USP36: variants seen among roughly 807,000 people sequenced by gnomAD.
USP36 encodes the protein ubiquitin carboxyl-terminal hydrolase 36.
USP36 carries 59 observed loss-of-function variants against 111.5 expected under a neutral mutation model. The ratio of observed to expected loss-of-function variants is 0.53; its 90% confidence interval spans 0.43 to 0.66. The LOEUF is 0.66. Ranked by LOEUF, USP36 falls within the 30% of genes least tolerant of loss-of-function variation. USP36 has a pLI of 0.00. For missense variants in USP36, 1,488 were observed against 1,468.0 expected (o/e 1.01, Z -0.22); for synonymous variants, 628 against 581.0 (o/e 1.08, Z -1.16).
intron 4 of USP36, among the ~76,000 whole-genome samples, chr17:78,832,695 T>G (rs1319157349): frequency 6.6e-6 from 1 of 152,030 alleles, no homozygotes; most frequent in Non-Finnish European, 1.5e-5. Context: ...AGCTCTACAG[T>G]GGAAGAGCCC....
rs11655882 is a variant in USP36, at chr17:78,831,089, G to C, written c.476-2082C>G. 3.3e-3 allele frequency among the ~76,000 whole-genome samples: 495 copies of C among 151,708 alleles called. 3 individuals carry two copies. Among genetic ancestry groups the C allele is most frequent in the Non-Finnish European group, 5.4e-3 (370 of 67,934 alleles). ...CAAATACAAACAATTAGCCAGGCAT[G>C]GTGGCACGTGCCTGTAGTCCCAGCT... On this transcript the variant is annotated intron_variant, in intron 4 of 20. Coordinates refer to ENST00000449938, the MANE Select transcript of USP36 (RefSeq NM_001385174.1).
At chr17:78,815,502 T>G (rs994496550) in intron 10 of USP36, among the ~76,000 whole-genome samples, 1 of 152,276 alleles carries the variant, frequency 6.6e-6, no homozygotes, top group East Asian at 1.9e-4. Context: ...AACGATCAAA[T>G]GAGAAGGGTC....
intron 15 of USP36, among the ~76,000 whole-genome samples, chr17:78,804,803 A>G (rs956563518): frequency 6.6e-6 from 1 of 152,126 alleles, no homozygotes; most frequent in Admixed American, 6.6e-5. Flanking sequence ...TCTTTAATAC[A>G]AATGTGTTAA....
At chr17:78,840,525 C>A (rs1200954899) in intron 1 of USP36, 2 of 152,286 alleles carry the variant, frequency 1.3e-5, no homozygotes, top group Non-Finnish European at 2.9e-5. Context: ...CTCGGGAATA[C>A]CCGGGCTCTG....
intron 17 of USP36, among the ~76,000 whole-genome samples, chr17:78,800,527 A>G (rs1033238220): frequency 6.6e-6 from 1 of 152,014 alleles, no homozygotes; most frequent in East Asian, 1.9e-4. Flanking sequence ...ATCTGACCTC[A>G]TTTCTCCCTG....
intron 3 of USP36, among the ~76,000 whole-genome samples, chr17:78,788,519 C>G (rs2093554772): frequency 6.6e-6 from 1 of 152,132 alleles, no homozygotes; most frequent in Non-Finnish European, 1.5e-5. Context: ...GTTCTCCCAG[C>G]TGGTTGGTGG....
chr17:78,823,605 G>T (rs1366235339), intron 6 of USP36, among the ~76,000 whole-genome samples: 1 of 152,142 alleles, frequency 6.6e-6, no homozygotes, highest in African/African-American at 2.4e-5. Context: ...AGCTGCAAAG[G>T]GCACCCTGAA....
chr17:78,835,588 A>G lies in USP36; in HGVS notation c.254-87T>C, dbSNP rs139186225. The stretch of plus-strand genomic sequence containing the variant: ...ACAAAAAGAAACTCCTGAAGCATAC[A>G]CTTAGCATGCAGTGACTCGGAACAT... On this transcript the variant is annotated intron_variant, in intron 3 of 20. Transcript: ENST00000449938. 2.3e-4 allele frequency: 299 copies of G among 1,276,576 alleles called. No individual in the cohort carries two copies. The African/African-American group carries it at 3.6e-3, about 16-fold the overall frequency. The allele number at this position is 1,276,576 out of a possible 1,614,324, so 79.1% of individuals were successfully genotyped here.
chr17:78,807,215 G>A lies in USP36; in HGVS notation c.1829C>T (p.Ser610Phe). The part of the protein sequence containing the change: ...DESAGLDRRG[S>F]SSSSPEHSAS... ...CGAGTGCTCTGGGCTGGAGCTGCTG[G>A]AGCCCCTCCTGTCGAGGCCAGCGCT... is the stretch of plus-strand genomic sequence containing the variant. Residue 610 changes from serine (S) to phenylalanine (F), a missense_variant, in exon 14 of 21, where the codon TCC (serine) becomes TTC (phenylalanine). Physicochemically the swap from Ser to Phe is radical, Grantham distance 155. This residue lies in a region of USP36 where 1,073 missense variants were observed against 994.1 expected (regional missense o/e 1.08). Transcript: ENST00000449938. The A allele has an allele frequency of 2.5e-6, 4 of 1,614,092 alleles. No homozygotes were observed. The highest frequency in any genetic ancestry group is 3.4e-6 in the Non-Finnish European group (4 of 1,179,992).
downstream of USP36, among the ~76,000 whole-genome samples, chr17:78,792,912 C>T (rs1011801609): frequency 6.6e-6 from 1 of 152,114 alleles, no homozygotes; most frequent in Admixed American, 6.5e-5. Flanking sequence ...GACAGGGTTT[C>T]ACCATGTTGG....
At chr17:78,814,594 G>T in intron 10 of USP36, 42 bp from the exon 11 acceptor site, 2 of 1,598,624 alleles carry the variant, frequency 1.3e-6, no homozygotes, top group South Asian at 2.2e-5. Flanking sequence ...AATTCACTTT[G>T]AGAGTAAAGA....
chr17:78,825,945 A>C (rs2067499177), intron 6 of USP36, among the ~76,000 whole-genome samples: 1 of 152,176 alleles, frequency 6.6e-6, no homozygotes, highest in African/African-American at 2.4e-5. Context: ...ACCACATTGC[A>C]AACGCTGCTG....
At chr17:78,834,931 T>C (rs1269343039) in intron 4 of USP36, among the ~76,000 whole-genome samples, 1 of 151,392 alleles carries the variant, frequency 6.6e-6, no homozygotes, top group East Asian at 1.9e-4. Flanking sequence ...CAACGAGTTG[T>C]GATGGAGCCA....
At chr17:78,804,465 A>T (rs2093838210) in intron 15 of USP36, among the ~76,000 whole-genome samples, 1 of 140,034 alleles carries the variant, frequency 7.1e-6, no homozygotes, top group South Asian at 2.2e-4. Flanking sequence ...GTCTCAAAAA[A>T]AAAAAAAACC....
intron 17 of USP36, 51 bp from the exon 18 acceptor site, chr17:78,799,819 T>A: frequency 7.3e-7 from 1 of 1,363,722 alleles, no homozygotes; most frequent in Non-Finnish European, 9.9e-7. Flanking sequence ...AATAACCCAC[T>A]GGGGAAGCAA....
Position 78,835,390 on chromosome 17 carries a change from G to A in USP36, c.365C>T (p.Ala122Val). The change falls in exon 4 of 21, where the codon GCA becomes GTA. Residue 122 changes from alanine (A) to valine (V), a missense_variant. Coordinates refer to ENST00000449938, the MANE Select transcript of USP36 (RefSeq NM_001385174.1). ...LRWERVFRVGAGLHNLGNTCF... is the reference protein window; with the variant it reads ...LRWERVFRVGVGLHNLGNTCF... ...GGTGTTGCCAAGGTTGTGGAGTCCTGCGCCCACGCGGAAGACCCGCTCCCA... is the reference window on the plus strand; with the variant it reads ...GGTGTTGCCAAGGTTGTGGAGTCCTACGCCCACGCGGAAGACCCGCTCCCA... The A allele has an allele frequency of 6.2e-7, 1 of 1,614,228 alleles. No individual in the cohort carries two copies. The highest frequency in any genetic ancestry group is 8.5e-7 in the Non-Finnish European group (1 of 1,180,040).
chr17:78,807,190 C>CGAGTGCTCTGGGCTG lies in USP36; in HGVS notation c.1839_1853dup (p.Ser614_Ser618dup). On this transcript the variant is annotated inframe_insertion, in exon 14 of 21. Transcript: ENST00000449938. The stretch of plus-strand genomic sequence containing the variant: ...GGGCCTTGGTGGAGTCGCTGCTGGC[C>CGAGTGCTCTGGGCTG]GAGTGCTCTGGGCTGGAGCTGCTGG... 6.2e-7 allele frequency: 1 copy of CGAGTGCTCTGGGCTG among 1,614,098 alleles called. No homozygotes were observed. The highest frequency in any genetic ancestry group is 8.5e-7 in the Non-Finnish European group (1 of 1,180,008).
At chr17:78,836,463 G>A (rs2068680603) in intron 2 of USP36, 91 bp from the exon 3 acceptor site, 1 of 1,486,928 alleles carries the variant, frequency 6.7e-7, no homozygotes. Flanking sequence ...CATTATGGAT[G>A]CTAGCCACCA....
Position 78,827,351 on chromosome 17 carries a change from A to C in USP36, c.587-4T>G, listed in dbSNP as rs1339586705. On this transcript the variant is annotated splice_region_variant and splice_polypyrimidine_tract_variant and intron_variant, in intron 5 of 20. Coordinates refer to ENST00000449938, the MANE Select transcript of USP36 (RefSeq NM_001385174.1). The stretch of plus-strand genomic sequence containing the variant: ...AAGCGGAAGTGTCGGGCGATCTCTA[A>C]AAGAGGAAGAAACAGGGAGGGAAGA... 1.9e-6 allele frequency: 3 copies of C among 1,607,124 alleles called. No homozygotes were observed. Among genetic ancestry groups the C allele is most frequent in the Non-Finnish European group, 2.6e-6 (3 of 1,175,166 alleles).
Sources: allele counts gnomAD v4.1 joint callset (sites outside exome capture counted in the v4.1 genomes callset), GRCh38; gene constraint gnomAD v4.1.1; regional missense constraint gnomAD v4.1.1; transcripts MANE v1.5; gene names NCBI Gene and HGNC (gene_info 2026-07-23, HGNC 2026-07-21).